The following PCDHGA2 variants were observed in gnomAD, a reference collection of about 807,000 sequenced individuals.
The protein encoded by PCDHGA2 is protocadherin gamma-A2.
A neutral mutation model predicts 59.2 loss-of-function variants in PCDHGA2; 40 were observed. The observed-to-expected ratio is 0.68, with a 90% CI of 0.52 to 0.88. PCDHGA2 has a LOEUF of 0.88. Ranked by LOEUF, PCDHGA2 falls within the 40% of genes least tolerant of loss-of-function variation. The pLI, the probability that PCDHGA2 is intolerant of heterozygous loss-of-function variation, is 0.00. For synonymous variants in PCDHGA2, 560 were observed against 526.0 expected (o/e 1.06, Z -0.89); for missense variants, 1,226 against 1,204.0 (o/e 1.02, Z -0.27).
At chr5:141,422,758 A>G in intron 1 of PCDHGA2, 1 of 1,613,150 alleles carries the variant, frequency 6.2e-7, no homozygotes, top group Non-Finnish European at 8.5e-7. Flanking sequence ...TATTAACTCC[A>G]ACACTGGTGT....
At chr5:141,439,445 G>A (rs1030957687) in intron 1 of PCDHGA2, among the ~76,000 whole-genome samples, 5 of 152,102 alleles carry the variant, frequency 3.3e-5, no homozygotes, top group African/African-American at 4.8e-5. Flanking sequence ...ATTTTATTGC[G>A]GGAGCAAGAC....
rs760709557 is a variant in PCDHGA2, at chr5:141,384,156, C to T, written c.2424+42761C>T. The T allele has an allele frequency of 1.6e-5, 26 of 1,613,342 alleles. No homozygotes were observed. The Admixed American group carries it at 4.2e-4, about 26-fold the overall frequency. ...ACCGGGAAACACTCTCTTTGTATAA[C>T]ATCACACTGAAAGCCACAGATGGTG... On this transcript the variant is annotated intron_variant, in intron 1 of 3. Transcript: ENST00000394576.
At chr5:141,364,314 T>C in intron 1 of PCDHGA2, 1 of 1,523,586 alleles carries the variant, frequency 6.6e-7, no homozygotes, top group Non-Finnish European at 8.8e-7. Context: ...AAGAGAAAAT[T>C]GGGCAGAGAG....
chr5:141,415,863 G>A, intron 1 of PCDHGA2: 4 of 1,107,154 alleles, frequency 3.6e-6, no homozygotes, highest in Non-Finnish European at 4.7e-6. Flanking sequence ...GTAGTTTATA[G>A]TGTTGTTGAG....
chr5:141,359,281 T>A (rs1761165080), intron 1 of PCDHGA2, among the ~76,000 whole-genome samples: 1 of 152,142 alleles, frequency 6.6e-6, no homozygotes, highest in Non-Finnish European at 1.5e-5. Context: ...GCTCAATTGG[T>A]CTGAAACTGT....
intron 1 of PCDHGA2, among the ~76,000 whole-genome samples, chr5:141,453,850 CT>C (rs1465668273): frequency 1.3e-5 from 2 of 152,148 alleles, no homozygotes; most frequent in Non-Finnish European, 2.9e-5. Context: ...CCACAGAGCA[CT>C]TTGAAAATAA....
At chr5:141,403,444 G>A (rs2094408321) in intron 1 of PCDHGA2, 1 of 1,613,906 alleles carries the variant, frequency 6.2e-7, no homozygotes, top group African/African-American at 1.3e-5. Flanking sequence ...ATGTTGGCGT[G>A]AACTCCCTCC....
At chr5:141,393,284 T>C (rs1462333832) in intron 1 of PCDHGA2, 10 of 1,613,870 alleles carry the variant, frequency 6.2e-6, no homozygotes, top group African/African-American at 2.7e-5. Flanking sequence ...TCCCAGAAGC[T>C]GTTGACCCGG....
intron 1 of PCDHGA2, among the ~76,000 whole-genome samples, chr5:141,405,781 A>G (rs913529807): frequency 2.6e-5 from 4 of 151,674 alleles, no homozygotes; most frequent in African/African-American, 7.3e-5. Context: ...CCTGGCCCTT[A>G]ACTTTCTATT....
rs374200575 is a variant in PCDHGA2 at position 141,432,105 on chromosome 5, C to G, written c.2425-62702C>G. On this transcript the variant is annotated intron_variant, in intron 1 of 3. Transcript: ENST00000394576. This position sits in a 1 kb window ranked among gnomAD's most constrained non-coding sequence, Gnocchi z 6.0. The stretch of plus-strand genomic sequence containing the variant: ...AACGTGGCAGACACCAACGACAACC[C>G]GCCGGTCTTCCCTCAGGCCTCCTAT... 1.2e-6 allele frequency: 2 copies of G among 1,614,172 alleles called. No individual in the cohort carries two copies. Among genetic ancestry groups the G allele is most frequent in the Non-Finnish European group, 1.7e-6 (2 of 1,180,034 alleles).
At chr5:141,464,680 A>G (rs747974832) in intron 1 of PCDHGA2, among the ~76,000 whole-genome samples, 3 of 152,144 alleles carry the variant, frequency 2.0e-5, no homozygotes, top group Non-Finnish European at 4.4e-5. Flanking sequence ...TTTTAATTAA[A>G]ATTTCTCTTA....
At chr5:141,400,154 T>G in intron 1 of PCDHGA2, 1 of 1,614,076 alleles carries the variant, frequency 6.2e-7, no homozygotes, top group Non-Finnish European at 8.5e-7. Context: ...GACCGCCCTG[T>G]ACCCTCTGAC....
chr5:141,355,585 A>G, intron 1 of PCDHGA2: 1 of 1,614,046 alleles, frequency 6.2e-7, no homozygotes, highest in Non-Finnish European at 8.5e-7. Flanking sequence ...TGTTAATGAT[A>G]ACCCACCCAG....
intron 1 of PCDHGA2, chr5:141,395,105 G>T: frequency 1.9e-6 from 3 of 1,614,220 alleles, no homozygotes; most frequent in Non-Finnish European, 2.5e-6. Context: ...CCGACTCGCG[G>T]AAGAGTCACC....
chr5:141,506,115 T>C (rs1211973354), intron 3 of PCDHGA2, among the ~76,000 whole-genome samples: 1 of 152,062 alleles, frequency 6.6e-6, no homozygotes, highest in Admixed American at 6.5e-5. Context: ...GAAGAGTCAC[T>C]AGGGCCCAGA....
Position 141,431,062 on chromosome 5 carries a change from G to C in PCDHGA2, c.2425-63745G>C, listed in dbSNP as rs2097341170. On this transcript the variant is annotated intron_variant, in intron 1 of 3. Coordinates refer to ENST00000394576, the MANE Select transcript of PCDHGA2 (RefSeq NM_018915.4). This position sits in a 1 kb window ranked among gnomAD's most constrained non-coding sequence, Gnocchi z 4.8. ...AGGAGCTCTGTATGGGGGCCATCAA[G>C]TGTCAATTAAATCTAGACATTCTGA... 6.2e-7 allele frequency: 1 copy of C among 1,614,212 alleles called. No individual in the cohort carries two copies. The highest frequency in any genetic ancestry group is 1.3e-5 in the African/African-American group (1 of 75,084).
chr5:141,374,561 C>A, intron 1 of PCDHGA2: 1 of 1,613,628 alleles, frequency 6.2e-7, no homozygotes. Context: ...GGTCTATGAC[C>A]CTGATGTGGG....
chr5:141,432,627 C>T lies in PCDHGA2; in HGVS notation c.2425-62180C>T. ...GGACTCTTCTCGGTGGGTCTGCACA[C>T]GGGCGAGGTGCGCACGGCGCGAGCC... On this transcript the variant is annotated intron_variant, in intron 1 of 3. Coordinates refer to ENST00000394576, the MANE Select transcript of PCDHGA2 (RefSeq NM_018915.4). This position sits in a 1 kb window ranked among gnomAD's most constrained non-coding sequence, Gnocchi z 6.0. 1.2e-6 allele frequency: 2 copies of T among 1,613,770 alleles called. No individual in the cohort carries two copies. Among genetic ancestry groups the T allele is most frequent in the Non-Finnish European group, 1.7e-6 (2 of 1,179,944 alleles).
intron 1 of PCDHGA2, chr5:141,355,897 G>A: frequency 1.2e-6 from 2 of 1,613,656 alleles, no homozygotes; most frequent in South Asian, 2.2e-5. Flanking sequence ...CATAATACTT[G>A]TGGATACCAA....
Sources: gnomAD v4.1 joint callset for allele counts (sites outside exome capture counted in the v4.1 genomes callset) on GRCh38, gnomAD v4.1.1 for gene constraint, Gnocchi (gnomAD v3.1) non-coding constraint, MANE v1.5 for transcripts, NCBI Gene and HGNC (gene_info 2026-07-23, HGNC 2026-07-21) for gene names.